FARS2: variants seen among roughly 807,000 people sequenced by gnomAD.
FARS2 encodes the protein phenylalanyl-tRNA synthetase 2, mitochondrial.
Under a neutral mutation model 46.4 loss-of-function variants are expected in FARS2, and 40 were observed. The ratio of observed to expected loss-of-function variants is 0.86; its 90% CI spans 0.67 to 1.12. The LOEUF is 1.12. Ranked by LOEUF, FARS2 falls within the 50% of genes most tolerant of loss-of-function variation. The pLI is 0.00. For missense variants in FARS2, 513 were observed against 567.9 expected (o/e 0.90, Z 0.98); for synonymous variants, 234 against 214.9 (o/e 1.09, Z -0.78).
At chr6:5,294,680 T>C (rs1767733071) in intron 1 of FARS2, among the ~76,000 whole-genome samples, 1 of 152,126 alleles carries the variant, frequency 6.6e-6, no homozygotes. Context: ...TTATGATTAC[T>C]GGTTTTTTAT....
chr6:5,633,750 A>G (rs1451754562), intron 6 of FARS2, among the ~76,000 whole-genome samples: 1 of 152,196 alleles, frequency 6.6e-6, no homozygotes, highest in Non-Finnish European at 1.5e-5. Flanking sequence ...AGCATTTGTT[A>G]TGACTGGTGA....
At chr6:5,379,663 A>T (rs1223805805) in intron 2 of FARS2, among the ~76,000 whole-genome samples, 2 of 152,236 alleles carry the variant, frequency 1.3e-5, no homozygotes, top group East Asian at 3.9e-4. Context: ...GGGTGTGGGG[A>T]AAGTTAATTT....
intron 4 of FARS2, among the ~76,000 whole-genome samples, chr6:5,482,875 A>G (rs879846834): frequency 6.6e-6 from 1 of 152,192 alleles, no homozygotes; most frequent in Non-Finnish European, 1.5e-5. Context: ...ATTTGTAAAG[A>G]AGCCTGCCTT....
At chr6:5,361,612 G>C (rs1758308336) in intron 1 of FARS2, among the ~76,000 whole-genome samples, 1 of 152,202 alleles carries the variant, frequency 6.6e-6, no homozygotes, top group African/African-American at 2.4e-5. Context: ...ACTTGGCTTT[G>C]TATCAGTAGA....
intron 1 of FARS2, among the ~76,000 whole-genome samples, chr6:5,300,287 T>C (rs559553754): frequency 2.0e-5 from 3 of 152,322 alleles, no homozygotes; most frequent in South Asian, 4.1e-4. Flanking sequence ...TGTGTGTACA[T>C]GTAAGTATAT....
chr6:5,303,642 T>G (rs1407041748), intron 1 of FARS2, among the ~76,000 whole-genome samples: 1 of 151,940 alleles, frequency 6.6e-6, no homozygotes, highest in East Asian at 1.9e-4. Context: ...GAAAAGTTGC[T>G]TCTGCTTGCC....
chr6:5,390,096 T>G (rs975489320), intron 2 of FARS2, among the ~76,000 whole-genome samples: 1 of 152,174 alleles, frequency 6.6e-6, no homozygotes, highest in African/African-American at 2.4e-5. Flanking sequence ...ACTCCTGGCC[T>G]CAAGTGATCC....
At chr6:5,651,584 G>C (rs1777365962) in intron 6 of FARS2, among the ~76,000 whole-genome samples, 1 of 152,206 alleles carries the variant, frequency 6.6e-6, no homozygotes, top group South Asian at 2.1e-4. Flanking sequence ...ATCATCAGAG[G>C]GGGATCTGTT....
intron 6 of FARS2, among the ~76,000 whole-genome samples, chr6:5,697,920 A>C (rs1156703058): frequency 6.6e-6 from 1 of 152,174 alleles, no homozygotes; most frequent in East Asian, 1.9e-4. Flanking sequence ...ATATTATTTC[A>C]ATTTTCTTCG....
At chr6:5,260,598 TCCCCG>T, upstream of FARS2, 49 of 1,105,492 alleles carry the variant, frequency 4.4e-5, no homozygotes, top group Non-Finnish European at 6.0e-5. Flanking sequence ...GCACCCCCGG[TCCCCG>T]GCCCCTGGCC....
rs577889953 is a variant in FARS2 at position 5,542,026 on chromosome 6, G to A, written c.905-3154G>A. 2.0e-5 allele frequency among the ~76,000 whole-genome samples: 3 copies of A among 152,308 alleles called. No homozygotes were observed. In the East Asian group the frequency reaches 5.8e-4, roughly 29 times the overall value. On this transcript the variant is annotated intron_variant, in intron 4 of 6. Transcript: ENST00000274680. ...TTAGCATGCTGATGCATTAAAATTA[G>A]CATATAACCAGCAATGAGGAGGACC...
intron 6 of FARS2, among the ~76,000 whole-genome samples, chr6:5,685,526 T>C (rs371054122): frequency 3.3e-4 from 50 of 152,226 alleles, no homozygotes; most frequent in African/African-American, 1.1e-3. Context: ...CTGCAGTGAA[T>C]GAGGGGTGTC....
chr6:5,389,035 G>C (rs1266832621), intron 2 of FARS2, among the ~76,000 whole-genome samples: 1 of 152,036 alleles, frequency 6.6e-6, no homozygotes, highest in African/African-American at 2.4e-5. Context: ...CACATCCACA[G>C]ATGTCAAAGA....
chr6:5,548,064 A>C (rs952765040), intron 5 of FARS2, among the ~76,000 whole-genome samples: 1 of 152,240 alleles, frequency 6.6e-6, no homozygotes, highest in Non-Finnish European at 1.5e-5. Context: ...ACATGGCAGC[A>C]GCAAGAGAAA....
At position 5,613,150 on chromosome 6, in the gene FARS2, TCTC is replaced by T. The variant is rs777048582; in HGVS notation, c.1066-15_1066-13del. The T allele has an allele frequency of 2.5e-6, 4 of 1,605,186 alleles. No homozygotes were observed. Among genetic ancestry groups the T allele is most frequent in the Non-Finnish European group, 3.4e-6 (4 of 1,175,534 alleles). On this transcript the variant is annotated splice_polypyrimidine_tract_variant and intron_variant, in intron 5 of 6. Transcript: ENST00000274680. The stretch of plus-strand genomic sequence containing the variant: ...TCAACTAACAAGTTCATGTATCTTT[TCTC>T]CTCTTGTTTTGTTAGCCTCTTAGCA...
chr6:5,529,714 G>T (rs1380609042), intron 4 of FARS2, among the ~76,000 whole-genome samples: 1 of 152,200 alleles, frequency 6.6e-6, no homozygotes, highest in Non-Finnish European at 1.5e-5. Context: ...CCTTTTTAAT[G>T]GCTGAGTAGA....
At chr6:5,676,502 A>T (rs1196962604) in intron 6 of FARS2, among the ~76,000 whole-genome samples, 1 of 152,206 alleles carries the variant, frequency 6.6e-6, no homozygotes, top group Non-Finnish European at 1.5e-5. Flanking sequence ...ATAACATTCA[A>T]ATAAAACCAT....
At position 5,646,428 on chromosome 6, in the gene FARS2, C is replaced by CA. The variant is rs539636866; in HGVS notation, c.1217+33109dup. Among the ~76,000 whole-genome samples the CA allele has an allele frequency of 2.4e-3, 358 of 152,278 alleles. 3 individuals carry two copies. Among genetic ancestry groups the CA allele is most frequent in the African/African-American group, 8.3e-3 (345 of 41,552 alleles). The stretch of plus-strand genomic sequence containing the variant: ...GTGCAGTGAGGGCAGTGGGCTCACA[C>CA]AGTCTCATGGTCCACTCCAGCATTG... On this transcript the variant is annotated intron_variant, in intron 6 of 6. Transcript: ENST00000274680.
At chr6:5,492,848 A>G (rs545721670) in intron 4 of FARS2, among the ~76,000 whole-genome samples, 28,252 of 152,170 alleles carry the variant, frequency 0.19, 2,967 homozygotes, top group African/African-American at 0.26. Context: ...TAGAGTGTAT[A>G]TAGCCTTACA....
Sources: allele counts gnomAD v4.1 joint callset (sites outside exome capture counted in the v4.1 genomes callset), GRCh38; gene constraint gnomAD v4.1.1; transcripts MANE v1.5; gene names NCBI Gene and HGNC (gene_info 2026-07-23, HGNC 2026-07-21).